Variants in CSPG4 observed in about 807,000 individuals in gnomAD.
CSPG4 encodes chondroitin sulfate proteoglycan 4 (melanoma-associated).
A neutral mutation model predicts 139.3 loss-of-function variants in CSPG4; 74 were observed. The ratio of observed to expected loss-of-function variants is 0.53; its 90% CI spans 0.44 to 0.64. The LOEUF (loss-of-function observed/expected upper bound fraction) is 0.64, where lower values mean the gene tolerates loss of function less well. CSPG4 is among the 30% of genes least tolerant of loss of function. The pLI, the probability that CSPG4 is intolerant of heterozygous loss-of-function variation, is 0.00. For synonymous variants in CSPG4, 1,234 were observed against 1,394.2 expected (o/e 0.89, Z 2.56); for missense variants, 2,565 against 3,148.3 (o/e 0.81, Z 4.43).
intron 1 of CSPG4, among the ~76,000 whole-genome samples, chr15:75,705,360 C>T (rs935248290): frequency 2.6e-5 from 4 of 152,230 alleles, no homozygotes; most frequent in African/African-American, 4.8e-5. Context: ...GCCTTTGCCT[C>T]GGAATCTTCC....
In CSPG4 at chr15:75,706,214, C is replaced by T. The variant is rs563133371; in HGVS notation, c.88+6454G>A. On this transcript the variant is annotated intron_variant, in intron 1 of 9. Transcript: ENST00000308508. ...CTGCTCTTAGGTGGGAACGGAAGTT[C>T]GTCTCCTCTCCCCAGCCCCCTCTGT... is the stretch of plus-strand genomic sequence containing the variant. Among the ~76,000 whole-genome samples the T allele has an allele frequency of 1.5e-4, 23 of 152,316 alleles. No homozygotes were observed. In the East Asian group the frequency reaches 3.3e-3, roughly 22 times the overall value.
Position 75,674,584 on chromosome 15 carries a change from G to C in CSPG4, c.*966C>G. On this transcript the variant is annotated 3_prime_UTR_variant, in exon 10 of 10. Transcript: ENST00000308508. ...CTGTATGCAAGCCGACGCAGACAAG[G>C]GCCCAGTGCATAGTTAAGACACAAA... 1 of 396,542 alleles carries C rather than the reference G, an allele frequency of 2.5e-6. No individual in the cohort carries two copies. The highest frequency in any genetic ancestry group is 4.4e-6 in the Non-Finnish European group (1 of 224,952). The allele number at this position is 396,542 out of a possible 1,614,324, so 24.6% of individuals were successfully genotyped here.
intron 8 of CSPG4, chr15:75,680,218 C>G (rs1893954530): frequency 6.6e-6 from 1 of 152,244 alleles, no homozygotes; most frequent in Non-Finnish European, 1.5e-5. Context: ...AGGGCCCAGT[C>G]TGAGGTGGGG....
Position 75,683,000 on chromosome 15 carries a change from C to G in CSPG4, c.4491G>C (p.Leu1497=). The change falls in exon 6 of 10, where the codon CTG becomes CTC. Residue 1497 remains leucine (L), a synonymous_variant. Coordinates refer to ENST00000308508, the MANE Select transcript of CSPG4 (RefSeq NM_001897.5). The stretch of plus-strand genomic sequence containing the variant: ...ACCCAGAGTCGCCGTCCGTGCTCCT[C>G]AGAGCCTCCGCAGGGATGGGCGCAG... ...GATAPIPAEA[L]RSTDGDSGSE... 3 of 1,611,292 alleles carry G rather than the reference C, an allele frequency of 1.9e-6. No homozygotes were observed. Among genetic ancestry groups the G allele is most frequent in the Non-Finnish European group, 2.5e-6 (3 of 1,179,700 alleles).
chr15:75,689,062 C>T lies in CSPG4; in HGVS notation c.2003G>A (p.Ser668Asn). 6.2e-7 allele frequency: 1 copy of T among 1,610,538 alleles called. No individual in the cohort carries two copies. Among genetic ancestry groups the T allele is most frequent in the Non-Finnish European group, 8.5e-7 (1 of 1,179,402 alleles). Reference protein sequence around the residue: ...AIRPAIQIHRSTGLRLAQGSA... With the variant: ...AIRPAIQIHRNTGLRLAQGSA... ...GCCTTGGGCCAGTCGCAACCCTGTG[C>T]TGCGGTGGATCTGTATGGCCGGCCG... Residue 668 changes from serine (S) to asparagine (N), a missense_variant, in exon 3 of 10, where the codon AGC becomes AAC. By Grantham distance (46) the Ser-to-Asn change is conservative (BLOSUM62 1). Coordinates refer to ENST00000308508, the MANE Select transcript of CSPG4 (RefSeq NM_001897.5).
chr15:75,690,328 CG>C lies in CSPG4; in HGVS notation c.736del (p.Arg246GlyfsTer97), dbSNP rs1297636605. ...QAPLAFQAGG[R>X]RGDFIYVDIF... ...GTCCACATAGATGAAGTCCCCACGC[CG>C]GCCCCCTGCCTGGAAGGCCAAGGGT... On this transcript the variant is annotated frameshift_variant, in exon 3 of 10. Coordinates refer to ENST00000308508, the MANE Select transcript of CSPG4 (RefSeq NM_001897.5). LOFTEE classifies it high-confidence loss of function. The C allele has an allele frequency of 6.2e-7, 1 of 1,612,362 alleles. No homozygotes were observed.
chr15:75,682,247 T>C, intron 8 of CSPG4, 46 bp downstream of exon 8: 3 of 1,592,494 alleles, frequency 1.9e-6, no homozygotes, highest in East Asian at 2.2e-5. Flanking sequence ...AGCGGCCACC[T>C]GAGGCTGGGG....
At position 75,712,545 on chromosome 15, in the gene CSPG4, G is replaced by T. The variant is rs1383962349; in HGVS notation, c.88+123C>A. 26 of 923,388 alleles carry T rather than the reference G, an allele frequency of 2.8e-5. No individual in the cohort carries two copies. In the Admixed American group the frequency reaches 5.5e-4, roughly 20 times the overall value. The allele number at this position is 923,388 out of a possible 1,614,324, so 57.2% of individuals were successfully genotyped here. A position where few individuals can be genotyped will look rare whatever the true frequency, so the allele number is the denominator to read the frequency against. ...CTGGCGACCCCAGCTAGTGGTGGGA[G>T]AAGCGCAGCCTGCTTGACTCCCGAT... On this transcript the variant is annotated intron_variant, in intron 1 of 9. Coordinates refer to ENST00000308508, the MANE Select transcript of CSPG4 (RefSeq NM_001897.5).
At position 75,677,159 on chromosome 15, in the gene CSPG4, G is replaced by A. The variant is rs1346446991; in HGVS notation, c.5360C>T (p.Ala1787Val). The A allele has an allele frequency of 7.0e-7, 1 of 1,434,296 alleles. No homozygotes were observed. Among genetic ancestry groups the A allele is most frequent in the Non-Finnish European group, 9.2e-7 (1 of 1,091,794 alleles). 88.8% of individuals were successfully genotyped at this position (1,434,296 alleles called of 1,614,324 possible). The part of the protein sequence containing the change: ...SQLAAGQLVY[A>V]HGGGGTQQDG... ...CTGCTGGGTGCCCCCACCGCCGTGG[G>A]CATACACTAGCTGCCCTGCAGCCAG... Residue 1787 changes from alanine (A) to valine (V), a missense_variant, in exon 10 of 10, where the codon GCC becomes GTC. Ala to Val is a moderately conservative substitution (Grantham distance 64). Coordinates refer to ENST00000308508, the MANE Select transcript of CSPG4 (RefSeq NM_001897.5).
In CSPG4 at chr15:75,688,610, G is replaced by A; in HGVS notation, c.2455C>T (p.Pro819Ser). Residue 819 changes from proline (P) to serine (S), a missense_variant, in exon 3 of 10, where the codon CCA becomes TCA. Around this residue, in one of 5 missense-constraint regions of CSPG4, gnomAD observed 2,316 missense variants for 2,818.2 expected, o/e 0.82. Coordinates refer to ENST00000308508, the MANE Select transcript of CSPG4 (RefSeq NM_001897.5). The stretch of plus-strand genomic sequence containing the variant: ...TGAACCACCTCATAATGGAAGGTTG[G>A]GGGGCTTGGGCCTGCCTCCTCCAGG... ...ATLEEAGPSP[P>S]TFHYEVVQAP... 6.2e-7 allele frequency: 1 copy of A among 1,612,932 alleles called. No individual in the cohort carries two copies. The highest frequency in any genetic ancestry group is 8.5e-7 in the Non-Finnish European group (1 of 1,179,944).
chr15:75,682,447 G>A lies in CSPG4; in HGVS notation c.4796C>T (p.Pro1599Leu), dbSNP rs771489414. 6.3e-7 allele frequency: 1 copy of A among 1,583,474 alleles called. No homozygotes were observed. Among genetic ancestry groups the A allele is most frequent in the South Asian group, 1.1e-5 (1 of 89,134 alleles). ...TLTVCPGSVQ[P>L]LSSQTLRASS... ...GGCCCTGAGGGTCTGACTGCTGAGT[G>A]GCTGGACGGACCCTGCCAGAGGCAA... The change falls in exon 8 of 10, where the codon CCA (proline) becomes CTA (leucine). Residue 1599 changes from proline to leucine, a missense_variant. Pro to Leu is a moderately conservative substitution (Grantham distance 98). Transcript: ENST00000308508.
At position 75,674,664 on chromosome 15, in the gene CSPG4, C is replaced by G; in HGVS notation, c.*886G>C. On this transcript the variant is annotated 3_prime_UTR_variant, in exon 10 of 10. Transcript: ENST00000308508. ...CACTGTTTATCCAGGCTCCATGGAA[C>G]CAAGTGCCCCCAGCTGCCTGCCCTA... 1 of 399,068 alleles carries G rather than the reference C, an allele frequency of 2.5e-6. No homozygotes were observed. The highest frequency in any genetic ancestry group is 4.4e-6 in the Non-Finnish European group (1 of 226,142). 24.7% of individuals were successfully genotyped at this position (399,068 alleles called of 1,614,324 possible).
At chr15:75,699,166 C>A (rs1894269281) in intron 1 of CSPG4, among the ~76,000 whole-genome samples, 1 of 152,192 alleles carries the variant, frequency 6.6e-6, no homozygotes, top group Non-Finnish European at 1.5e-5. Flanking sequence ...CAACAGCAGC[C>A]ATCATCTCAG....
At chr15:75,683,322 AC>A (rs1294855386) in intron 5 of CSPG4, among the ~76,000 whole-genome samples, 2 of 151,884 alleles carry the variant, frequency 1.3e-5, no homozygotes, top group Admixed American at 1.3e-4. Flanking sequence ...TATGTCCCCT[AC>A]CCAGGAAGGC....
chr15:75,694,715 T>C (rs527524158), intron 1 of CSPG4, among the ~76,000 whole-genome samples: 1 of 152,370 alleles, frequency 6.6e-6, no homozygotes, highest in Non-Finnish European at 1.5e-5. Context: ...CTGCCAGCAC[T>C]GCTGGCAATA....
At position 75,675,684 on chromosome 15, in the gene CSPG4, C is replaced by G; in HGVS notation, c.6835G>C (p.Glu2279Gln). ...GTGAGCGGGATGGCCTGGCCTGGCTCCACCTTGCGAAAGGTCTCGGTGTCA... is the reference window on the plus strand; with the variant it reads ...GTGAGCGGGATGGCCTGGCCTGGCTGCACCTTGCGAAAGGTCTCGGTGTCA... The part of the protein sequence containing the change: ...AGDTETFRKV[E>Q]PGQAIPLTAV... The change falls in exon 10 of 10, where the codon GAG becomes CAG. Residue 2279 changes from glutamate (E) to glutamine (Q), a missense_variant. Glu to Gln is a conservative substitution (Grantham distance 29). Coordinates refer to ENST00000308508, the MANE Select transcript of CSPG4 (RefSeq NM_001897.5). 12 of 1,555,758 alleles carry G rather than the reference C, an allele frequency of 7.7e-6. No individual in the cohort carries two copies. The highest frequency in any genetic ancestry group is 1.0e-5 in the Non-Finnish European group (12 of 1,148,256).
At chr15:75,684,001 C>G (rs1428388035) in intron 5 of CSPG4, among the ~76,000 whole-genome samples, 3 of 152,178 alleles carry the variant, frequency 2.0e-5, no homozygotes, top group Non-Finnish European at 4.4e-5. Context: ...CCACCCGCTA[C>G]GGGCACATCC....
chr15:75,698,223 G>A lies in CSPG4; in HGVS notation c.89-4990C>T, dbSNP rs376597755. ...CTGGCTCCAGGTCTGGGCAGGCAGG[G>A]GTGAGGGAGTCTGAGGGGGCTGTGG... On this transcript the variant is annotated intron_variant, in intron 1 of 9. Coordinates refer to ENST00000308508, the MANE Select transcript of CSPG4 (RefSeq NM_001897.5). The surrounding 1 kb of genome is among the most constrained non-coding windows in gnomAD (Gnocchi z 4.3). 2.0e-5 allele frequency among the ~76,000 whole-genome samples: 3 copies of A among 152,126 alleles called. No homozygotes were observed. The highest frequency in any genetic ancestry group is 4.4e-5 in the Non-Finnish European group (3 of 68,026).
Position 75,687,221 on chromosome 15 carries a change from G to T in CSPG4, c.3789+55C>A. 6.3e-7 allele frequency: 1 copy of T among 1,594,846 alleles called. No individual in the cohort carries two copies. Among genetic ancestry groups the T allele is most frequent in the Non-Finnish European group, 8.5e-7 (1 of 1,171,888 alleles). On this transcript the variant is annotated intron_variant, in intron 3 of 9. Coordinates refer to ENST00000308508, the MANE Select transcript of CSPG4 (RefSeq NM_001897.5). The surrounding 1 kb of genome is among the most constrained non-coding windows in gnomAD (Gnocchi z 5.4). ...CACGTGTGTTCCTGGCATGGAGGCT[G>T]GGAGAAGGCCCTCTACCTGGCCCAC...
Sources: gnomAD v4.1 joint callset for allele counts (sites outside exome capture counted in the v4.1 genomes callset) on GRCh38, gnomAD v4.1.1 for gene constraint, gnomAD v4.1.1 regional missense constraint, Gnocchi (gnomAD v3.1) non-coding constraint, MANE v1.5 for transcripts, NCBI Gene and HGNC (gene_info 2026-07-23, HGNC 2026-07-21) for gene names.